The following ERBB4 variants were observed in gnomAD, a reference collection of about 807,000 sequenced individuals.
ERBB4 encodes receptor tyrosine-protein kinase erbB-4.
A neutral mutation model predicts 158.0 loss-of-function variants in ERBB4; 42 were observed. The ratio of observed to expected loss-of-function variants is 0.27; its 90% CI spans 0.21 to 0.34. ERBB4 has a LOEUF of 0.34. Among genes scored for constraint, ERBB4 ranks in the 10% least tolerant of loss-of-function variants. ERBB4 has a pLI of 1.00. For missense variants in ERBB4, 1,333 were observed against 1,624.1 expected, an observed-to-expected ratio of 0.82 and a Z score of 3.08; for synonymous variants, 583 against 558.7, an observed-to-expected ratio of 1.04 and a Z score of -0.61.
At chr2:211,391,068 A>G (rs2062789216) in intron 25 of ERBB4, among the ~76,000 whole-genome samples, 1 of 152,240 alleles carries the variant, frequency 6.6e-6, no homozygotes, top group Admixed American at 6.5e-5. Flanking sequence ...ATATATTTAA[A>G]TTACATGTTA....
intron 12 of ERBB4, among the ~76,000 whole-genome samples, chr2:211,699,003 G>C (rs1015736545): frequency 1.6e-4 from 25 of 152,232 alleles, no homozygotes; most frequent in Admixed American, 3.3e-4. Flanking sequence ...TCTAGCCACT[G>C]TTACCCTTTA....
intron 3 of ERBB4, among the ~76,000 whole-genome samples, chr2:211,862,038 C>T (rs776476734): frequency 6.6e-6 from 1 of 152,010 alleles, no homozygotes; most frequent in Non-Finnish European, 1.5e-5. Context: ...TAATATAAAA[C>T]ATATTTATTC....
At chr2:212,393,451 A>G (rs2106442992) in intron 1 of ERBB4, among the ~76,000 whole-genome samples, 1 of 152,200 alleles carries the variant, frequency 6.6e-6, no homozygotes, top group East Asian at 1.9e-4. Context: ...ATAATAACAT[A>G]TGAAATAATA....
At chr2:212,492,517 A>G (rs1052748622) in intron 1 of ERBB4, among the ~76,000 whole-genome samples, 5 of 151,570 alleles carry the variant, frequency 3.3e-5, no homozygotes, top group African/African-American at 4.8e-5. Flanking sequence ...TGGATTACTA[A>G]GTACATGTTG....
intron 2 of ERBB4, among the ~76,000 whole-genome samples, chr2:212,089,638 C>T (rs1210181461): frequency 6.6e-6 from 1 of 152,102 alleles, no homozygotes; most frequent in Non-Finnish European, 1.5e-5. Context: ...ATGTCTGTTC[C>T]CACTTTGACT....
chr2:212,210,586 A>G (rs998695837), intron 1 of ERBB4, among the ~76,000 whole-genome samples: 2 of 152,184 alleles, frequency 1.3e-5, no homozygotes, highest in African/African-American at 4.8e-5. Context: ...ATGGATAGGG[A>G]CAGACAGCAG....
intron 1 of ERBB4, among the ~76,000 whole-genome samples, chr2:212,460,877 C>A (rs573970248): frequency 1.3e-5 from 2 of 152,272 alleles, no homozygotes; most frequent in Admixed American, 6.5e-5. Flanking sequence ...TTCATGGCAG[C>A]CCCTGCTATC....
At chr2:211,887,504 G>C (rs2078836521) in intron 3 of ERBB4, among the ~76,000 whole-genome samples, 2 of 151,940 alleles carry the variant, frequency 1.3e-5, no homozygotes, top group Admixed American at 6.6e-5. Flanking sequence ...ATTACCTCAA[G>C]ACAAAAGTTG....
At chr2:211,691,393 A>T (rs1176073276) in intron 12 of ERBB4, among the ~76,000 whole-genome samples, 5 of 152,192 alleles carry the variant, frequency 3.3e-5, no homozygotes, top group African/African-American at 1.2e-4. Context: ...GCATAAAAGC[A>T]TATCCCTGTG....
At chr2:211,706,510 T>G (rs7572096) in intron 9 of ERBB4, among the ~76,000 whole-genome samples, 52,488 of 151,598 alleles carry the variant, frequency 0.35, 10,646 homozygotes, top group Non-Finnish European at 0.47. Flanking sequence ...TCCAGCAACC[T>G]TGATCTCTGG....
chr2:212,305,489 G>A (rs1376822653), intron 1 of ERBB4, among the ~76,000 whole-genome samples: 5 of 151,114 alleles, frequency 3.3e-5, no homozygotes, highest in African/African-American at 1.2e-4. Context: ...CTACCTATAT[G>A]ATGGTTGTAT....
At chr2:211,723,632 G>GTAGATGTGTCACCTAGATGAC (rs2074173741) in intron 6 of ERBB4, among the ~76,000 whole-genome samples, 1 of 151,892 alleles carries the variant, frequency 6.6e-6, no homozygotes, top group South Asian at 2.1e-4. Context: ...TCACTAAGAT[G>GTAGATGTGTCACCTAGATGAC]ACACATTCTA....
At chr2:212,452,592 T>A (rs1688050470) in intron 1 of ERBB4, among the ~76,000 whole-genome samples, 1 of 152,144 alleles carries the variant, frequency 6.6e-6, no homozygotes, top group African/African-American at 2.4e-5. Context: ...GAATCTGTTA[T>A]CATTTTAATG....
chr2:212,247,794 TC>T (rs2084366800), intron 1 of ERBB4, among the ~76,000 whole-genome samples: 1 of 152,088 alleles, frequency 6.6e-6, no homozygotes, highest in African/African-American at 2.4e-5. Flanking sequence ...TGAAACCCCA[TC>T]TCTGCTGAAA....
In ERBB4 at chr2:211,660,279, C is replaced by T. The variant is rs565765521; in HGVS notation, c.1872-2451G>A. 1.4e-4 allele frequency among the ~76,000 whole-genome samples: 21 copies of T among 152,262 alleles called. 1 individual carries two copies. The South Asian group carries it at 3.3e-3, about 24-fold the overall frequency. On this transcript the variant is annotated intron_variant, in intron 15 of 27. Transcript: ENST00000342788. ...GATACTAGTCAGCTGGCAGCCAGGC[C>T]GACTCATTTGGCACAAAGACTATTT...
At chr2:211,810,630 CTTGACTCT>C (rs1310660603) in intron 3 of ERBB4, among the ~76,000 whole-genome samples, 2 of 141,240 alleles carry the variant, frequency 1.4e-5, no homozygotes, top group African/African-American at 5.2e-5. Flanking sequence ...ACTGATGGGT[CTTGACTCT>C]TTATCCAATT....
intron 17 of ERBB4, 134 bp downstream of exon 17, chr2:211,630,328 C>A: frequency 3.0e-6 from 3 of 998,466 alleles, no homozygotes; most frequent in Non-Finnish European, 4.6e-6. Context: ...CTTTGTTTAA[C>A]GGACTATAAA....
intron 3 of ERBB4, among the ~76,000 whole-genome samples, chr2:211,931,577 G>T (rs1575396047): frequency 6.6e-6 from 1 of 151,788 alleles, no homozygotes; most frequent in Non-Finnish European, 1.5e-5. Context: ...ACTTTTCCAA[G>T]AAGATAGGTA....
At chr2:211,888,204 T>C (rs997768662) in intron 3 of ERBB4, among the ~76,000 whole-genome samples, 1 of 152,240 alleles carries the variant, frequency 6.6e-6, no homozygotes, top group Non-Finnish European at 1.5e-5. Context: ...TTTGGGCTAC[T>C]CTACCAAGGA....
Sources: gnomAD v4.1 joint callset for allele counts (sites outside exome capture counted in the v4.1 genomes callset) on GRCh38, gnomAD v4.1.1 for gene constraint, MANE v1.5 for transcripts, NCBI Gene and HGNC (gene_info 2026-07-23, HGNC 2026-07-21) for gene names.